Variants in ADGRD2 observed in about 807,000 individuals in gnomAD.
ADGRD2 encodes the protein adhesion G protein-coupled receptor D2, also known as G protein-coupled receptor PGR24.
A neutral mutation model predicts 44.4 loss-of-function variants in ADGRD2; 71 were observed. The ratio of observed to expected loss-of-function variants is 1.60; its 90% CI spans 1.32 to 1.95. The LOEUF is 1.95. Among genes scored for constraint, ADGRD2 ranks in the 30% most tolerant of loss-of-function variants. ADGRD2 has a pLI of 0.00. For synonymous variants in ADGRD2, 481 were observed against 224.8 expected (o/e 2.14, Z -10.19); for missense variants, 1,039 against 512.4 (o/e 2.03, Z -9.92).
At chr9:124,474,252 G>T (rs985471597) in intron 17 of ADGRD2, among the ~76,000 whole-genome samples, 2 of 133,740 alleles carry the variant, frequency 1.5e-5, no homozygotes, top group African/African-American at 2.9e-5. Flanking sequence ...TCCAGCCTGG[G>T]CAATAAGAGT....
At chr9:124,472,704 C>T (rs1484145440) in intron 17 of ADGRD2, among the ~76,000 whole-genome samples, 2 of 152,086 alleles carry the variant, frequency 1.3e-5, no homozygotes, top group Non-Finnish European at 2.9e-5. Flanking sequence ...ACGGGGGTCT[C>T]ACCATGTTGC....
intron 11 of ADGRD2, 187 bp downstream of exon 14, chr9:124,466,600 A>C: frequency 2.4e-6 from 1 of 423,836 alleles, no homozygotes; most frequent in Non-Finnish European, 4.2e-6. Context: ...ACTTGAGCCC[A>C]GGAGTTCAAG....
chr9:124,466,068 C>T, intron 10 of ADGRD2, 190 bp from the exon 14 acceptor site: 1 of 431,052 alleles, frequency 2.3e-6, no homozygotes, highest in Admixed American at 4.1e-5. Flanking sequence ...GGGATCAGCC[C>T]TGCCCTCCTA....
chr9:124,452,682 G>T, exon 2 of ADGRD2: 1 of 716,882 alleles, frequency 1.4e-6, no homozygotes. Context: ...CGGTCTGGGT[G>T]GGCCAAAGAG....
At chr9:124,455,170 G>A in intron 6 of ADGRD2, 43 bp downstream of exon 9, 2 of 637,572 alleles carry the variant, frequency 3.1e-6, no homozygotes, top group African/African-American at 1.8e-5. Context: ...CTGGGCTATG[G>A]TTCCAGCCTA....
Position 124,453,316 on chromosome 9 carries a change from C to G in ADGRD2, c.565C>G (p.Arg189Gly). 1.0e-5 allele frequency: 5 copies of G among 486,228 alleles called. No individual in the cohort carries two copies. The Middle Eastern group carries it at 1.5e-3, about 149-fold the overall frequency. 30.1% of individuals were successfully genotyped at this position (486,228 alleles called of 1,614,324 possible). A position where few individuals can be genotyped will look rare whatever the true frequency, so the allele number is the denominator to read the frequency against. Residue 189 changes from arginine to glycine, a missense_variant, in exon 3 of 22, where the codon CGC becomes GGC. Arg to Gly is a moderately radical substitution (Grantham distance 125). Transcript: ENST00000334810. ...CCTCGCAGCCTTCCGCGCCGACGGC[C>G]GCTGGCACCATGTGTGCGCCACGTG...
Position 124,454,231 on chromosome 9 carries a change from T to C in ADGRD2, c.1022+134T>C. ...TCAGAGCTTCAAGGTCTCCATGGAG[T>C]CTAGGCCACAGAGCAGTGGGTCCAG... On this transcript the variant is annotated intron_variant, in intron 4 of 21. Transcript: ENST00000334810. This position sits in a 1 kb window ranked among gnomAD's most constrained non-coding sequence, Gnocchi z 4.5. 1.7e-6 allele frequency: 1 copy of C among 596,918 alleles called. No homozygotes were observed. Among genetic ancestry groups the C allele is most frequent in the Non-Finnish European group, 3.0e-6 (1 of 332,468 alleles). 37.0% of individuals were successfully genotyped at this position (596,918 alleles called of 1,614,324 possible).
upstream of ADGRD2, chr9:124,451,539 A>G: frequency 3.1e-6 from 1 of 318,298 alleles, no homozygotes; most frequent in South Asian, 2.6e-5. Flanking sequence ...GGGCAAACGG[A>G]CCCTGCAGAA....
intron 6 of ADGRD2, among the ~76,000 whole-genome samples, chr9:124,455,923 C>T (rs1481939928): frequency 6.6e-6 from 1 of 152,166 alleles, no homozygotes; most frequent in Non-Finnish European, 1.5e-5. Flanking sequence ...CAAACCTGGT[C>T]CCCCTGTGGG....
upstream of ADGRD2, chr9:124,451,722 G>A (rs964924355): frequency 1.9e-5 from 5 of 267,478 alleles, no homozygotes; most frequent in Non-Finnish European, 3.6e-5. Flanking sequence ...CTTCTGGGAG[G>A]GCAGTGCCTG....
chr9:124,476,382 A>C (rs1399930101), exon 20 of ADGRD2: 1 of 702,052 alleles, frequency 1.4e-6, no homozygotes, highest in Middle Eastern at 2.3e-4. Flanking sequence ...GAACTCCCTC[A>C]GCATTCTCCT....
exon 14 of ADGRD2, chr9:124,468,607 G>A (rs1219631156): frequency 1.3e-5 from 9 of 718,414 alleles, no homozygotes; most frequent in Non-Finnish European, 1.8e-5. Context: ...CTGCTGTGGA[G>A]GAAGGTGGTA....
intron 11 of ADGRD2, among the ~76,000 whole-genome samples, chr9:124,467,507 T>C (rs1360665698): frequency 6.6e-6 from 1 of 152,026 alleles, no homozygotes; most frequent in African/African-American, 2.4e-5. Context: ...TCCGGGCCAG[T>C]TGGGGTCAGT....
chr9:124,469,744 CAT>C (rs1303784559), intron 16 of ADGRD2, among the ~76,000 whole-genome samples, 197 bp downstream of exon 19: 2 of 152,256 alleles, frequency 1.3e-5, no homozygotes, highest in East Asian at 3.8e-4. Context: ...GGCATGTCAA[CAT>C]GTGTCAACAT....
Position 124,454,115 on chromosome 9 carries a change from C to G in ADGRD2, c.1022+18C>G. On this transcript the variant is annotated intron_variant, in intron 4 of 21. Coordinates refer to ENST00000334810, the Ensembl canonical transcript of ADGRD2. This position sits in a 1 kb window ranked among gnomAD's most constrained non-coding sequence, Gnocchi z 4.5. ...CCGGACAGGTGCGCCCTGGCTGTAC[C>G]CCTGGGCTCTGCTGAAGGGAAAGCC... The G allele has an allele frequency of 1.5e-6, 1 of 670,574 alleles. No individual in the cohort carries two copies. The allele number at this position is 670,574 out of a possible 1,614,324, so 41.5% of individuals were successfully genotyped here. A position where few individuals can be genotyped will look rare whatever the true frequency, so the allele number is the denominator to read the frequency against.
At chr9:124,460,759 A>G (rs1418275098) in intron 10 of ADGRD2, among the ~76,000 whole-genome samples, 2 of 152,144 alleles carry the variant, frequency 1.3e-5, no homozygotes, top group African/African-American at 2.4e-5. Flanking sequence ...TAAGTCTGCT[A>G]TGAACACTCA....
chr9:124,468,173 T>C (rs898341129), exon 13 of ADGRD2: 1 of 718,304 alleles, frequency 1.4e-6, no homozygotes, highest in Non-Finnish European at 2.6e-6. Flanking sequence ...GACCAGCGAG[T>C]GGGCCAAGGC....
chr9:124,478,525 T>C (rs1832090026), exon 22 of ADGRD2: 1 of 152,610 alleles, frequency 6.6e-6, no homozygotes, highest in African/African-American at 2.4e-5. Context: ...CCTTCCCCCA[T>C]GCTCCGAAGT....
At position 124,453,392 on chromosome 9, in the gene ADGRD2, C is replaced by A. The variant is rs1404602819; in HGVS notation, c.641C>A (p.Ala214Asp). The change falls in exon 3 of 22, where the codon GCT becomes GAT. Residue 214 changes from alanine to aspartate, a missense_variant. By Grantham distance (126) the Ala-to-Asp change is moderately radical (BLOSUM62 -2). Transcript: ENST00000334810. Reference sequence around the variant, plus strand: ...CTGTTCTCCGATGGGAGGCGGCGCGCTGGGGCGCGGGGGCTGGGCGCCGGC... The same window carrying A: ...CTGTTCTCCGATGGGAGGCGGCGCGATGGGGCGCGGGGGCTGGGCGCCGGC... 38 of 579,424 alleles carry A rather than the reference C, an allele frequency of 6.6e-5. No individual in the cohort carries two copies. In the East Asian group the frequency reaches 1.1e-3, roughly 16 times the overall value. 35.9% of individuals were successfully genotyped at this position (579,424 alleles called of 1,614,324 possible). A position where few individuals can be genotyped will look rare whatever the true frequency, so the allele number is the denominator to read the frequency against.
Sources: allele counts gnomAD v4.1 joint callset (sites outside exome capture counted in the v4.1 genomes callset), GRCh38; gene constraint gnomAD v4.1.1; non-coding constraint Gnocchi (gnomAD v3.1); transcripts MANE v1.5; gene names NCBI Gene and HGNC (gene_info 2026-07-23, HGNC 2026-07-21).